FOLH1: variants seen among roughly 807,000 people sequenced by gnomAD.
FOLH1 encodes glutamate carboxypeptidase 2.
FOLH1 carries 54 observed loss-of-function variants against 93.9 expected under a neutral mutation model. The ratio of observed to expected loss-of-function variants is 0.57; its 90% CI spans 0.46 to 0.72. The LOEUF is 0.72. FOLH1 is among the 30% of genes least tolerant of loss of function. FOLH1 has a pLI of 0.00. For synonymous variants in FOLH1, 249 were observed against 303.6 expected (o/e 0.82, Z 1.87); for missense variants, 571 against 892.5 (o/e 0.64, Z 4.59).
chr11:49,167,608 A>T (rs1858567841), intron 12 of FOLH1, among the ~76,000 whole-genome samples: 6 of 152,170 alleles, frequency 3.9e-5, no homozygotes, highest in Admixed American at 3.9e-4. Flanking sequence ...TGAGCCCAGG[A>T]GTTTGAGACC....
At chr11:49,177,234 T>C (rs1860162261) in intron 7 of FOLH1, among the ~76,000 whole-genome samples, 2 of 152,218 alleles carry the variant, frequency 1.3e-5, no homozygotes, top group African/African-American at 4.8e-5. Context: ...CCTTTTTCAC[T>C]AAGGAGTTTG....
In FOLH1 at chr11:49,170,999, T is replaced by C. The variant is rs182573589; in HGVS notation, c.1308+196A>G. ...TTGACATTAAGTGGCTCTAAAAGGT[T>C]CAAACAAAACTTAGTTCTTTAGCAA... On this transcript the variant is annotated intron_variant, in intron 11 of 18. Transcript: ENST00000256999. Among the ~76,000 whole-genome samples the C allele has an allele frequency of 5.9e-3, 898 of 152,312 alleles. 12 individuals are homozygous for C. Among genetic ancestry groups the C allele is most frequent in the African/African-American group, 0.021 (859 of 41,570 alleles).
intron 17 of FOLH1, among the ~76,000 whole-genome samples, chr11:49,150,779 CAAT>C (rs1357104495): frequency 5.3e-5 from 8 of 152,286 alleles, no homozygotes; most frequent in African/African-American, 9.6e-5. Flanking sequence ...AATACTTCAA[CAAT>C]GAGTTACTGA....
chr11:49,187,545 T>A (rs1590631925), intron 4 of FOLH1, among the ~76,000 whole-genome samples: 1 of 142,206 alleles, frequency 7.0e-6, no homozygotes, highest in Non-Finnish European at 1.6e-5. Flanking sequence ...CTATTCAACA[T>A]CATCAATTTT....
At chr11:49,193,975 T>C (rs1862343502) in intron 3 of FOLH1, among the ~76,000 whole-genome samples, 2 of 151,810 alleles carry the variant, frequency 1.3e-5, no homozygotes. Context: ...CTGACCAACA[T>C]GGTGAAACCG....
intron 7 of FOLH1, among the ~76,000 whole-genome samples, chr11:49,182,882 A>G (rs1165604163): frequency 6.6e-6 from 1 of 152,138 alleles, no homozygotes; most frequent in Non-Finnish European, 1.5e-5. Context: ...GGGGTTTCAA[A>G]GCACAATGTC....
Position 49,148,701 on chromosome 11 carries a change from T to C in FOLH1, c.2001A>G (p.Gln667=). ...NPIVLRMMND[Q]LMFLERAFID... ...TAAATGCTCTTTCCAGAAACATGAG[T>C]TGATCATTCATCATTCTTAATACTA... The change falls in exon 18 of 19, where the codon CAA becomes CAG. Residue 667 remains glutamine (Q), a synonymous_variant. Coordinates refer to ENST00000256999, the MANE Select transcript of FOLH1 (RefSeq NM_004476.3). The C allele has an allele frequency of 6.2e-7, 1 of 1,605,690 alleles. No individual in the cohort carries two copies. The highest frequency in any genetic ancestry group is 8.5e-7 in the Non-Finnish European group (1 of 1,176,708).
chr11:49,175,887 G>A lies in FOLH1; in HGVS notation c.991C>T (p.Pro331Ser). 1 of 1,613,506 alleles carries A rather than the reference G, an allele frequency of 6.2e-7. No homozygotes were observed. Among genetic ancestry groups the A allele is most frequent in the Non-Finnish European group, 8.5e-7 (1 of 1,179,696 alleles). ...GTAGAAAAGTTTCCAGTAAAGCCAG[G>A]TCCAACATTGTAGGGCACTTTGAGA... ...GSLKVPYNVGPGFTGNFSTQK... is the reference protein window; with the variant it reads ...GSLKVPYNVGSGFTGNFSTQK... The change falls in exon 8 of 19, where the codon CCT becomes TCT. Residue 331 changes from proline to serine, a missense_variant. Physicochemically the swap from Pro to Ser is moderately conservative, Grantham distance 74. This residue lies in a region of FOLH1 where 500 missense variants were observed against 822.9 expected (regional missense o/e 0.61). Transcript: ENST00000256999.
At chr11:49,206,352 A>G in intron 1 of FOLH1, 180 bp from the exon 2 acceptor site, 1 of 1,045,206 alleles carries the variant, frequency 9.6e-7, no homozygotes, top group African/African-American at 1.6e-5. Context: ...AGTCATGCAA[A>G]CAGATTTTTA....
At chr11:49,150,733 G>A (rs1395574943) in intron 17 of FOLH1, among the ~76,000 whole-genome samples, 2 of 152,092 alleles carry the variant, frequency 1.3e-5, no homozygotes, top group African/African-American at 4.8e-5. Context: ...TAATAAGAAT[G>A]ATTCAATATA....
At chr11:49,151,103 G>A (rs1856463662) in intron 17 of FOLH1, among the ~76,000 whole-genome samples, 1 of 152,164 alleles carries the variant, frequency 6.6e-6, no homozygotes, top group Admixed American at 6.5e-5. Flanking sequence ...AGTGAAATAG[G>A]AGATTGATAT....
intron 16 of FOLH1, 104 bp from the exon 17 acceptor site, chr11:49,154,031 T>G (rs1411834063): frequency 7.6e-7 from 1 of 1,319,058 alleles, no homozygotes; most frequent in African/African-American, 1.5e-5. Flanking sequence ...TCATCTTTTG[T>G]GTTTTACAAG....
chr11:49,189,858 G>T (rs1861832634), intron 4 of FOLH1, among the ~76,000 whole-genome samples: 1 of 152,156 alleles, frequency 6.6e-6, no homozygotes, highest in Non-Finnish European at 1.5e-5. Context: ...TATACAAATG[G>T]TGAACTAGAG....
chr11:49,146,724 C>A lies in FOLH1; in HGVS notation c.*32G>T, dbSNP rs1466891513. 6.4e-7 allele frequency: 1 copy of A among 1,565,332 alleles called. No homozygotes were observed. Among genetic ancestry groups the A allele is most frequent in the East Asian group, 2.3e-5 (1 of 43,980 alleles). On this transcript the variant is annotated 3_prime_UTR_variant, in exon 19 of 19. Coordinates refer to ENST00000256999, the MANE Select transcript of FOLH1 (RefSeq NM_004476.3). ...GATTCTTTCTGAGTGACATACCACA[C>A]AAATTCAATACGGATTCTCTAAAGA...
chr11:49,202,785 G>T (rs1434143147), intron 2 of FOLH1, among the ~76,000 whole-genome samples: 1 of 152,178 alleles, frequency 6.6e-6, no homozygotes, highest in African/African-American at 2.4e-5. Flanking sequence ...GCTGGGCACG[G>T]TGGCATGTGC....
At chr11:49,175,985 C>T (rs551844149) in intron 7 of FOLH1, 28 bp from the exon 8 acceptor site, 87 of 1,602,768 alleles carry the variant, frequency 5.4e-5, no homozygotes, top group Non-Finnish European at 6.9e-5. Context: ...ACATTATTAG[C>T]CACAAAAAAA....
At chr11:49,177,288 A>G in intron 7 of FOLH1, among the ~76,000 whole-genome samples, 1 of 152,244 alleles carries the variant, frequency 6.6e-6, no homozygotes, top group Non-Finnish European at 1.5e-5. Flanking sequence ...AAATTTATTT[A>G]AACTATTTAC....
intron 4 of FOLH1, 25 bp from the exon 5 acceptor site, chr11:49,186,794 T>C: frequency 6.4e-7 from 1 of 1,566,208 alleles, no homozygotes; most frequent in Non-Finnish European, 8.6e-7. Context: ...AATGACTTAA[T>C]ATGAGTCAGA....
Position 49,176,055 on chromosome 11 carries a change from A to G in FOLH1, c.921-98T>C, listed in dbSNP as rs940813786. On this transcript the variant is annotated intron_variant, in intron 7 of 18. Transcript: ENST00000256999. ...ACTTTATTGAGCATCTGCTCATAAT[A>G]TCTTTAATGAGTGCAAAGTGCTTTG... The G allele has an allele frequency of 2.0e-5, 21 of 1,076,630 alleles. No individual in the cohort carries two copies. The South Asian group carries it at 2.7e-4, about 14-fold the overall frequency. The allele number at this position is 1,076,630 out of a possible 1,614,324, so 66.7% of individuals were successfully genotyped here.
Sources: gnomAD v4.1 joint callset for allele counts (sites outside exome capture counted in the v4.1 genomes callset) on GRCh38, gnomAD v4.1.1 for gene constraint, gnomAD v4.1.1 regional missense constraint, MANE v1.5 for transcripts, NCBI Gene and HGNC (gene_info 2026-07-23, HGNC 2026-07-21) for gene names.